CDS1: variants seen among roughly 807,000 people sequenced by gnomAD.
CDS1 encodes CDP-diacylglycerol synthase 1, also known as phosphatidate cytidylyltransferase 1.
Under a neutral mutation model 62.1 loss-of-function variants are expected in CDS1, and 41 were observed. The observed-to-expected ratio is 0.66, with a 90% CI of 0.51 to 0.86. CDS1 has a LOEUF of 0.86. Ranked by LOEUF, CDS1 falls within the 40% of genes least tolerant of loss-of-function variation. The probability of loss-of-function intolerance (pLI) is 0.00; values close to 1 mark genes in which losing one functional copy is unlikely to be tolerated. For synonymous variants in CDS1, 185 were observed against 192.6 expected, an observed-to-expected ratio of 0.96 and a Z score of 0.32; for missense variants, 470 against 550.1, an observed-to-expected ratio of 0.85 and a Z score of 1.46.
At chr4:84,591,330 A>G (rs1048051418) in intron 1 of CDS1, among the ~76,000 whole-genome samples, 12 of 152,326 alleles carry the variant, frequency 7.9e-5, no homozygotes, top group Admixed American at 7.2e-4. Context: ...TGTAAAGAAC[A>G]TAGGTCATTT....
chr4:84,595,420 G>A (rs569908605), intron 1 of CDS1, among the ~76,000 whole-genome samples: 1 of 152,164 alleles, frequency 6.6e-6, no homozygotes, highest in East Asian at 1.9e-4. Context: ...CTCATACAAT[G>A]TAAATTCTAC....
chr4:84,639,077 T>A, intron 9 of CDS1, 85 bp downstream of exon 9: 1 of 566,744 alleles, frequency 1.8e-6, no homozygotes, highest in Non-Finnish European at 2.9e-6. Flanking sequence ...CTAGAAAAAT[T>A]AAACCACAAA....
Position 84,603,337 on chromosome 4 carries a change from A to G in CDS1, c.118-906A>G, listed in dbSNP as rs142485995. On this transcript the variant is annotated intron_variant, in intron 1 of 12. Coordinates refer to ENST00000295887, the MANE Select transcript of CDS1 (RefSeq NM_001263.4). ...TCCTCTATCCCAGTTCAACACCCTCACTCCAGTTTCCTCCTCTGTAAGCCA... is the reference window on the plus strand; with the variant it reads ...TCCTCTATCCCAGTTCAACACCCTCGCTCCAGTTTCCTCCTCTGTAAGCCA... Among the ~76,000 whole-genome samples, 3 of 151,918 alleles carry G rather than the reference A, an allele frequency of 2.0e-5. No individual in the cohort carries two copies. In the East Asian group the frequency reaches 5.8e-4, roughly 30 times the overall value.
intron 5 of CDS1, among the ~76,000 whole-genome samples, chr4:84,630,788 G>A (rs1373645547): frequency 6.6e-6 from 1 of 151,866 alleles, no homozygotes; most frequent in Non-Finnish European, 1.5e-5. Flanking sequence ...CTGAGCCATA[G>A]AGCGACACTT....
chr4:84,629,876 TATC>T (rs1385099954), intron 5 of CDS1, among the ~76,000 whole-genome samples: 3 of 152,216 alleles, frequency 2.0e-5, no homozygotes, highest in African/African-American at 4.8e-5. Context: ...TGAATGGTGT[TATC>T]ATTTCAAGAA....
chr4:84,599,902 A>C (rs774606233), intron 1 of CDS1, among the ~76,000 whole-genome samples: 2 of 152,150 alleles, frequency 1.3e-5, no homozygotes, highest in Non-Finnish European at 2.9e-5. Flanking sequence ...AATACCTAGG[A>C]GTGAAATGGC....
At position 84,644,176 on chromosome 4, in the gene CDS1, G is replaced by C. The variant is rs114589577; in HGVS notation, c.1152+1033G>C. Among the ~76,000 whole-genome samples the C allele has an allele frequency of 8.3e-3, 1,271 of 152,282 alleles. 16 individuals carry two copies. The highest frequency in any genetic ancestry group is 9.2e-3 in the Non-Finnish European group (629 of 68,024). On this transcript the variant is annotated intron_variant, in intron 11 of 12. Coordinates refer to ENST00000295887, the MANE Select transcript of CDS1 (RefSeq NM_001263.4). ...GCATTTGCCAGTGGGAAGCTACTAT[G>C]TAAGGTGCAATGCAGTATACAAAAA...
At chr4:84,607,794 A>T (rs1723177733) in intron 2 of CDS1, among the ~76,000 whole-genome samples, 1 of 152,092 alleles carries the variant, frequency 6.6e-6, no homozygotes, top group Non-Finnish European at 1.5e-5. Flanking sequence ...ATGTTACTAG[A>T]CTTTAAGTTG....
chr4:84,624,235 C>T (rs1723782703), intron 5 of CDS1, among the ~76,000 whole-genome samples: 1 of 145,340 alleles, frequency 6.9e-6, no homozygotes, highest in South Asian at 2.2e-4. Flanking sequence ...GATCCTGCCA[C>T]TGCACTCCAG....
At chr4:84,626,808 T>G (rs1723877103) in intron 5 of CDS1, among the ~76,000 whole-genome samples, 1 of 152,188 alleles carries the variant, frequency 6.6e-6, no homozygotes, top group Non-Finnish European at 1.5e-5. Context: ...GGTCCGACTA[T>G]GTATTTGTTG....
At chr4:84,609,762 A>G (rs928612853) in intron 3 of CDS1, among the ~76,000 whole-genome samples, 20 of 152,208 alleles carry the variant, frequency 1.3e-4, no homozygotes, top group African/African-American at 4.8e-4. Context: ...ACAGGTACAT[A>G]TCTATGTGTC....
At chr4:84,641,253 G>C (rs1325141286) in intron 10 of CDS1, among the ~76,000 whole-genome samples, 1 of 152,104 alleles carries the variant, frequency 6.6e-6, no homozygotes, top group East Asian at 1.9e-4. Context: ...TTTAAGTAGA[G>C]ACGGGTGTTG....
chr4:84,583,488 C>A lies in CDS1; in HGVS notation c.87C>A (p.Gly29=), dbSNP rs1170948999. 1.3e-6 allele frequency: 2 copies of A among 1,550,236 alleles called. No individual in the cohort carries two copies. The highest frequency in any genetic ancestry group is 1.7e-6 in the Non-Finnish European group (2 of 1,150,026). The change falls in exon 1 of 13, where the codon GGC becomes GGA. Residue 29 remains glycine (G), a synonymous_variant. Coordinates refer to ENST00000295887, the MANE Select transcript of CDS1 (RefSeq NM_001263.4). ...ACCGCGAGGGAGAGGCGGCCGGCGG[C>A]GACCACGAAACCGAGAGCACCAGCG... ...PPHREGEAAG[G]DHETESTSDK...
intron 5 of CDS1, among the ~76,000 whole-genome samples, chr4:84,628,747 C>G (rs1055485948): frequency 2.0e-5 from 3 of 152,118 alleles, no homozygotes; most frequent in African/African-American, 7.2e-5. Context: ...GTTGCACAGG[C>G]TGGTCTTGAA....
chr4:84,603,794 A>G (rs966486791), intron 1 of CDS1, among the ~76,000 whole-genome samples: 11 of 152,204 alleles, frequency 7.2e-5, no homozygotes, highest in African/African-American at 2.7e-4. Context: ...AATAAAAATG[A>G]TGGAAGTTGA....
At chr4:84,601,929 A>G (rs895533749) in intron 1 of CDS1, among the ~76,000 whole-genome samples, 2 of 131,258 alleles carry the variant, frequency 1.5e-5, no homozygotes, top group Non-Finnish European at 3.3e-5. Flanking sequence ...ATAAATACAT[A>G]CATGCATACA....
intron 1 of CDS1, among the ~76,000 whole-genome samples, chr4:84,585,514 A>G (rs902996504): frequency 5.9e-5 from 9 of 152,190 alleles, no homozygotes; most frequent in African/African-American, 1.9e-4. Flanking sequence ...CAGTTTGCAC[A>G]CTGGAGGCTG....
chr4:84,636,972 A>G (rs550262330), intron 8 of CDS1, among the ~76,000 whole-genome samples: 2 of 152,292 alleles, frequency 1.3e-5, no homozygotes, highest in South Asian at 2.1e-4. Flanking sequence ...GACTGAGACA[A>G]TTGTTCAGAT....
chr4:84,602,503 G>C (rs1191195998), intron 1 of CDS1, among the ~76,000 whole-genome samples: 1 of 152,134 alleles, frequency 6.6e-6, no homozygotes, highest in Non-Finnish European at 1.5e-5. Context: ...GTGATTTGCT[G>C]TTTGTCTCAC....
Sources: allele counts gnomAD v4.1 joint callset (sites outside exome capture counted in the v4.1 genomes callset), GRCh38; gene constraint gnomAD v4.1.1; transcripts MANE v1.5; gene names NCBI Gene and HGNC (gene_info 2026-07-23, HGNC 2026-07-21).